CEACAM1: variants seen among roughly 807,000 people sequenced by gnomAD.
The protein encoded by CEACAM1 is cell adhesion molecule CEACAM1.
Under a neutral mutation model 49.1 loss-of-function variants are expected in CEACAM1, and 31 were observed. The ratio of observed to expected loss-of-function variants is 0.63; its 90% confidence interval spans 0.47 to 0.85. The LOEUF (loss-of-function observed/expected upper bound fraction) is 0.85, where lower values mean the gene tolerates loss of function less well. CEACAM1 is among the 40% of genes least tolerant of loss of function. The pLI is 0.00. For missense variants in CEACAM1, 570 were observed against 645.3 expected (o/e 0.88, Z 1.26); for synonymous variants, 244 against 247.8 (o/e 0.98, Z 0.14).
rs770368881 is a variant in CEACAM1 at position 42,521,983 on chromosome 19, C to T, written c.644G>A (p.Cys215Tyr). The T allele has an allele frequency of 6.4e-5, 104 of 1,614,144 alleles. 1 individual carries two copies. The highest frequency in any genetic ancestry group is 8.4e-5 in the Non-Finnish European group (99 of 1,180,058). ...VTRNDTGPYE[C>Y]EIQNPVSANR... ...CGCACTCACTGGGTTCTGTATTTCA[C>T]ACTCATAGGGTCCTGTGTCATTCCT... Residue 215 changes from cysteine (C) to tyrosine (Y), a missense_variant, in exon 3 of 9, where the codon TGT becomes TAT. Coordinates refer to ENST00000161559, the MANE Select transcript of CEACAM1 (RefSeq NM_001712.5).
intron 5 of CEACAM1, chr19:42,514,960 T>A (rs1191584883): frequency 1.6e-6 from 1 of 639,204 alleles, no homozygotes; most frequent in Non-Finnish European, 2.8e-6. Flanking sequence ...GGTTTATTAT[T>A]ACATTAAATC....
intron 2 of CEACAM1, among the ~76,000 whole-genome samples, chr19:42,524,835 G>C (rs1012046305): frequency 3.3e-5 from 5 of 152,138 alleles, no homozygotes; most frequent in African/African-American, 1.2e-4. Flanking sequence ...CAAGACCAGG[G>C]AGCCCTGAAA....
chr19:42,514,859 G>C (rs930673000), intron 5 of CEACAM1, among the ~76,000 whole-genome samples: 2 of 152,106 alleles, frequency 1.3e-5, no homozygotes, highest in Non-Finnish European at 2.9e-5. Flanking sequence ...TTGACCCTAG[G>C]ACTACCTGAT....
rs8103285 is a variant in CEACAM1, at chr19:42,528,472, T to C, written c.-98A>G. On this transcript the variant is annotated 5_prime_UTR_variant, in exon 1 of 9. Coordinates refer to ENST00000161559, the MANE Select transcript of CEACAM1 (RefSeq NM_001712.5). ...CTCTGTCACCTCTGCTGTTTTCCAC[T>C]CTCTGTGCTGAGCCTCCTCCCTGGG... 0.13 allele frequency: 153,202 copies of C among 1,197,950 alleles called. 16,838 individuals are homozygous for C. The highest frequency in any genetic ancestry group is 0.49 in the African/African-American group (32,818 of 66,300). The allele number at this position is 1,197,950 out of a possible 1,614,324, so 74.2% of individuals were successfully genotyped here.
intron 5 of CEACAM1, among the ~76,000 whole-genome samples, chr19:42,517,533 C>A (rs1412055546): frequency 1.3e-5 from 2 of 152,212 alleles, no homozygotes. Context: ...ATAAACATTT[C>A]TCCAAAGAAG....
intron 5 of CEACAM1, among the ~76,000 whole-genome samples, chr19:42,517,391 T>A (rs1226779939): frequency 6.6e-6 from 1 of 152,200 alleles, no homozygotes; most frequent in African/African-American, 2.4e-5. Context: ...AAAAGACTTC[T>A]TATAGAATGG....
chr19:42,521,585 G>T (rs2041749442), intron 3 of CEACAM1, 64 bp from the exon 4 acceptor site: 2 of 1,577,542 alleles, frequency 1.3e-6, no homozygotes, highest in South Asian at 2.4e-5. Context: ...TGCTGGTCTG[G>T]AGAAGGGCCA....
chr19:42,521,936 A>C lies in CEACAM1; in HGVS notation c.691T>G (p.Leu231Val). 6.2e-7 allele frequency: 1 copy of C among 1,614,242 alleles called. No homozygotes were observed. Among genetic ancestry groups the C allele is most frequent in the South Asian group, 1.1e-5 (1 of 91,088 alleles). ...VSANRSDPVT[L>V]NVTYGPDTPT... ...AGAAGATACTCACAGGTGACATTCA[A>C]GGTGACTGGGTCACTGCGGTTCGCA... The change falls in exon 3 of 9, where the codon TTG becomes GTG. Residue 231 changes from leucine (L) to valine (V), a missense_variant. Leu to Val is a conservative substitution (Grantham distance 32). Transcript: ENST00000161559.
intron 5 of CEACAM1, chr19:42,515,110 A>G (rs1007541536): frequency 8.0e-6 from 5 of 625,716 alleles, no homozygotes; most frequent in Non-Finnish European, 1.4e-5. Flanking sequence ...CTCTCTGAAA[A>G]CAAAAATAAA....
chr19:42,526,868 A>G (rs1178943363), intron 2 of CEACAM1, among the ~76,000 whole-genome samples, 173 bp downstream of exon 2: 2 of 152,138 alleles, frequency 1.3e-5, no homozygotes, highest in African/African-American at 2.4e-5. Context: ...ACTCCAGAGT[A>G]AGACATTCGG....
At chr19:42,510,830 A>G in intron 8 of CEACAM1, 59 bp downstream of exon 8, 1 of 1,468,028 alleles carries the variant, frequency 6.8e-7, no homozygotes, top group Non-Finnish European at 9.6e-7. Context: ...ATGAATAATC[A>G]ATTCTACACA....
intron 2 of CEACAM1, among the ~76,000 whole-genome samples, chr19:42,522,494 C>T (rs965051650): frequency 2.0e-5 from 3 of 152,044 alleles, no homozygotes; most frequent in Admixed American, 2.0e-4. Flanking sequence ...TGGCAATCCG[C>T]CCGATTCGGC....
rs1043270689 is a variant in CEACAM1 at position 42,508,078 on chromosome 19, G to A, written c.*1031C>T. 1 of 152,146 alleles carries A rather than the reference G, an allele frequency of 6.6e-6. No homozygotes were observed. Among genetic ancestry groups the A allele is most frequent in the African/African-American group, 2.4e-5 (1 of 41,422 alleles). The allele number at this position is 152,146 out of a possible 1,614,324, so 9.4% of individuals were successfully genotyped here. ...CTGACCAAGGGACCTGAGGGATTTCGGTGGTTTCTTTCACCTAAGGCAATC... is the reference window on the plus strand; with the variant it reads ...CTGACCAAGGGACCTGAGGGATTTCAGTGGTTTCTTTCACCTAAGGCAATC... On this transcript the variant is annotated 3_prime_UTR_variant, in exon 9 of 9. Transcript: ENST00000161559.
Position 42,528,385 on chromosome 19 carries a change from G to C in CEACAM1, c.-11C>G, listed in dbSNP as rs1338423121. On this transcript the variant is annotated 5_prime_UTR_variant, in exon 1 of 9. Transcript: ENST00000161559. ...TGAGAGGTGCCCCATGGTGTCTCCTGCTGGCCCTGTCTTCACCTGTGGAGG... is the reference window on the plus strand; with the variant it reads ...TGAGAGGTGCCCCATGGTGTCTCCTCCTGGCCCTGTCTTCACCTGTGGAGG... 6.2e-7 allele frequency: 1 copy of C among 1,613,692 alleles called. No homozygotes were observed. The highest frequency in any genetic ancestry group is 1.3e-5 in the African/African-American group (1 of 75,006).
In CEACAM1 at chr19:42,511,554, T is replaced by G. The variant is rs772342244; in HGVS notation, c.1429+22A>C. ...CGTGGTGGAACATACCAGTTCTCACTGGGGTAAGTGGCTTTACTTACTGTG... is the reference window on the plus strand; with the variant it reads ...CGTGGTGGAACATACCAGTTCTCACGGGGGTAAGTGGCTTTACTTACTGTG... On this transcript the variant is annotated intron_variant, in intron 7 of 8. Coordinates refer to ENST00000161559, the MANE Select transcript of CEACAM1 (RefSeq NM_001712.5). 3 of 1,604,486 alleles carry G rather than the reference T, an allele frequency of 1.9e-6. No homozygotes were observed. In the South Asian group the frequency reaches 3.3e-5, roughly 18 times the overall value.
rs1487403676 is a variant in CEACAM1, at chr19:42,508,714, A to G, written c.*395T>C. On this transcript the variant is annotated 3_prime_UTR_variant, in exon 9 of 9. Transcript: ENST00000161559. The stretch of plus-strand genomic sequence containing the variant: ...GCACATGTACTTAATGGAAAAGGAC[A>G]TAACCTCAAGGCTATGGCAAATCCG... 1 of 176,768 alleles carries G rather than the reference A, an allele frequency of 5.7e-6. No individual in the cohort carries two copies. The highest frequency in any genetic ancestry group is 1.2e-5 in the Non-Finnish European group (1 of 82,494). 10.9% of individuals were successfully genotyped at this position (176,768 alleles called of 1,614,324 possible). A position where few individuals can be genotyped will look rare whatever the true frequency, so the allele number is the denominator to read the frequency against.
chr19:42,527,477 G>GT, intron 1 of CEACAM1, 77 bp from the exon 2 acceptor site: 1 of 1,523,422 alleles, frequency 6.6e-7, no homozygotes, highest in South Asian at 1.3e-5. Flanking sequence ...TGGGTCCTGA[G>GT]CAGGTGTCTT....
intron 2 of CEACAM1, among the ~76,000 whole-genome samples, chr19:42,523,402 ACTTGAG>A (rs2041809200): frequency 6.6e-6 from 1 of 152,200 alleles, no homozygotes; most frequent in East Asian, 1.9e-4. Flanking sequence ...ATGATGACTG[ACTTGAG>A]CCAGTGACCC....
chr19:42,523,191 C>T (rs1282480006), intron 2 of CEACAM1, among the ~76,000 whole-genome samples: 1 of 152,222 alleles, frequency 6.6e-6, no homozygotes, highest in Non-Finnish European at 1.5e-5. Context: ...GTTTTCTCTG[C>T]AGCTTCCCTG....
Sources: allele counts gnomAD v4.1 joint callset (sites outside exome capture counted in the v4.1 genomes callset), GRCh38; gene constraint gnomAD v4.1.1; transcripts MANE v1.5; gene names NCBI Gene and HGNC (gene_info 2026-07-23, HGNC 2026-07-21).